The following TMCC1 variants were observed in gnomAD, a reference collection of about 807,000 sequenced individuals.
TMCC1 encodes transmembrane and coiled-coil domains protein 1.
In TMCC1, 15 loss-of-function variants were observed where a neutral mutation model predicts 52.4. The ratio of observed to expected loss-of-function variants is 0.29; its 90% CI spans 0.19 to 0.44. The LOEUF is 0.44. Ranked by LOEUF, TMCC1 falls within the 20% of genes least tolerant of loss-of-function variation. The pLI is 1.00. For synonymous variants in TMCC1, 279 were observed against 301.9 expected (o/e 0.92, Z 0.79); for missense variants, 503 against 806.0 (o/e 0.62, Z 4.55).
At chr3:129,792,139 C>T (rs959782109) in intron 4 of TMCC1, among the ~76,000 whole-genome samples, 1 of 150,842 alleles carries the variant, frequency 6.6e-6, no homozygotes, top group African/African-American at 2.4e-5. Context: ...ATGCTTGTTA[C>T]TGAAGTCGGA....
At chr3:129,775,633 A>G (rs2054978054) in intron 4 of TMCC1, among the ~76,000 whole-genome samples, 1 of 152,194 alleles carries the variant, frequency 6.6e-6, no homozygotes, top group Non-Finnish European at 1.5e-5. Context: ...AATATTGGAT[A>G]AACATGAAAT....
At chr3:129,861,862 T>C (rs2107933643) in intron 2 of TMCC1, among the ~76,000 whole-genome samples, 1 of 152,344 alleles carries the variant, frequency 6.6e-6, no homozygotes, top group East Asian at 1.9e-4. Context: ...AGCAATTCCA[T>C]TTCTAGGCAT....
rs376319119 is a variant in TMCC1 at position 129,675,853 on chromosome 3, C to T, written c.577-4589G>A. ...GAGATCGAGACCATCCTGGCTAACA[C>T]GGTGAAACCCCATCTCTACTAAAAA... On this transcript the variant is annotated intron_variant, in intron 4 of 6. Transcript: ENST00000393238. Among the ~76,000 whole-genome samples, 12 of 151,708 alleles carry T rather than the reference C, an allele frequency of 7.9e-5. No homozygotes were observed. In the East Asian group the frequency reaches 1.4e-3, roughly 17 times the overall value.
At chr3:129,713,557 T>C (rs2048851999) in intron 4 of TMCC1, among the ~76,000 whole-genome samples, 1 of 151,894 alleles carries the variant, frequency 6.6e-6, no homozygotes, top group Non-Finnish European at 1.5e-5. Flanking sequence ...GTTCTATTCT[T>C]CAAAGATGAA....
intron 1 of TMCC1, among the ~76,000 whole-genome samples, chr3:129,884,029 G>A (rs1357013704): frequency 3.3e-5 from 5 of 152,034 alleles, no homozygotes; most frequent in Admixed American, 6.6e-5. Flanking sequence ...ATAAAGAAAC[G>A]TCAACAGTAA....
At chr3:129,760,496 T>TGTGTGTGTGTGTG (rs1560353306) in intron 4 of TMCC1, among the ~76,000 whole-genome samples, 11 of 67,062 alleles carry the variant, frequency 1.6e-4, no homozygotes, top group African/African-American at 3.3e-4. Context: ...GTGTGTGTGT[T>TGTGTGTGTGTGTG]TTTGAGACAG....
intron 2 of TMCC1, chr3:129,857,364 G>C (rs1193883938): frequency 6.6e-6 from 1 of 152,164 alleles, no homozygotes; most frequent in African/African-American, 2.4e-5. Context: ...AGTGATGGCA[G>C]GCTGGACAAC....
intron 4 of TMCC1, among the ~76,000 whole-genome samples, chr3:129,733,151 G>A (rs2050678151): frequency 6.6e-6 from 1 of 152,188 alleles, no homozygotes; most frequent in African/African-American, 2.4e-5. Context: ...GAAAAGACAG[G>A]TGAAATGTGT....
intron 4 of TMCC1, among the ~76,000 whole-genome samples, chr3:129,695,576 C>CT (rs2047355426): frequency 6.6e-6 from 1 of 152,062 alleles, no homozygotes; most frequent in Admixed American, 6.6e-5. Context: ...GGGAAAGCCC[C>CT]TTTTAAAACT....
intron 4 of TMCC1, among the ~76,000 whole-genome samples, chr3:129,753,561 A>G (rs2052720933): frequency 1.3e-5 from 2 of 152,214 alleles, no homozygotes; most frequent in South Asian, 2.1e-4. Context: ...AAATCAGTGT[A>G]TTTTACCATA....
chr3:129,738,918 G>A (rs2051217936), intron 4 of TMCC1, among the ~76,000 whole-genome samples: 2 of 152,150 alleles, frequency 1.3e-5, no homozygotes, highest in South Asian at 4.1e-4. Flanking sequence ...ACCTGGGTAA[G>A]TGATCCTCCC....
At chr3:129,889,990 CAG>C (rs752789881) in intron 1 of TMCC1, among the ~76,000 whole-genome samples, 1 of 149,958 alleles carries the variant, frequency 6.7e-6, no homozygotes, top group African/African-American at 2.5e-5. Context: ...AAAAAGCTAA[CAG>C]AAATTAAAAT....
intron 5 of TMCC1, among the ~76,000 whole-genome samples, chr3:129,660,848 G>T (rs1312340384): frequency 6.6e-6 from 1 of 152,080 alleles, no homozygotes; most frequent in African/African-American, 2.4e-5. Flanking sequence ...GCATAATCAT[G>T]GTGCACTGCA....
intron 4 of TMCC1, among the ~76,000 whole-genome samples, chr3:129,823,936 A>C (rs536149962): frequency 6.6e-6 from 1 of 152,348 alleles, no homozygotes; most frequent in Admixed American, 6.5e-5. Context: ...ATTTTGTTGT[A>C]TAAAGGAAAA....
At chr3:129,830,206 T>C (rs1490460512) in intron 3 of TMCC1, among the ~76,000 whole-genome samples, 2 of 152,192 alleles carry the variant, frequency 1.3e-5, no homozygotes, top group Admixed American at 6.5e-5. Context: ...TGTTCATATC[T>C]TTCCCTTTGG....
intron 4 of TMCC1, among the ~76,000 whole-genome samples, chr3:129,755,988 C>T (rs574184076): frequency 1.3e-5 from 2 of 151,868 alleles, no homozygotes; most frequent in Non-Finnish European, 2.9e-5. Flanking sequence ...ATCCCTGCTA[C>T]GCAGGAGGCT....
At position 129,651,348 on chromosome 3, in the gene TMCC1, A is replaced by G; in HGVS notation, c.*133T>C. 1 of 1,045,398 alleles carries G rather than the reference A, an allele frequency of 9.6e-7. No individual in the cohort carries two copies. The highest frequency in any genetic ancestry group is 2.4e-5 in the East Asian group (1 of 41,396). 64.8% of individuals were successfully genotyped at this position (1,045,398 alleles called of 1,614,324 possible). A position where few individuals can be genotyped will look rare whatever the true frequency, so the allele number is the denominator to read the frequency against. On this transcript the variant is annotated 3_prime_UTR_variant, in exon 7 of 7. Transcript: ENST00000393238. This position sits in a 1 kb window ranked among gnomAD's most constrained non-coding sequence, Gnocchi z 5.1. ...AATTGCGTCTCTTGAAGAAAAAAAC[A>G]TTATTCTAAATGTAAACAGATTCAC...
intron 2 of TMCC1, among the ~76,000 whole-genome samples, chr3:129,840,544 G>A (rs1485791282): frequency 6.6e-6 from 1 of 152,112 alleles, no homozygotes; most frequent in Non-Finnish European, 1.5e-5. Flanking sequence ...ATCTGGTTTG[G>A]CTCTGTGTCC....
intron 4 of TMCC1, among the ~76,000 whole-genome samples, chr3:129,695,751 A>G (rs544914104): frequency 6.6e-6 from 1 of 151,930 alleles, no homozygotes; most frequent in East Asian, 1.9e-4. Context: ...TCTGCCCCTG[A>G]CCCCTCCCAA....
Sources: allele counts gnomAD v4.1 joint callset (sites outside exome capture counted in the v4.1 genomes callset), GRCh38; gene constraint gnomAD v4.1.1; non-coding constraint Gnocchi (gnomAD v3.1); transcripts MANE v1.5; gene names NCBI Gene and HGNC (gene_info 2026-07-23, HGNC 2026-07-21).